Variants in DPH5 observed in about 807,000 individuals in gnomAD.
DPH5 encodes the protein diphthine methyl ester synthase.
A neutral mutation model predicts 31.6 loss-of-function variants in DPH5; 31 were observed. The ratio of observed to expected loss-of-function variants is 0.98; its 90% confidence interval spans 0.74 to 1.32. The LOEUF (loss-of-function observed/expected upper bound fraction) is 1.32. Among genes scored for constraint, DPH5 ranks in the 40% most tolerant of loss-of-function variants. The pLI is 0.00. For missense variants in DPH5, 309 were observed against 335.7 expected (o/e 0.92, Z 0.62); for synonymous variants, 120 against 115.0 (o/e 1.04, Z -0.28).
chr1:101,019,038 T>C (rs563236461), intron 3 of DPH5, among the ~76,000 whole-genome samples: 18 of 152,292 alleles, frequency 1.2e-4, no homozygotes, highest in African/African-American at 3.8e-4. Flanking sequence ...GATAAAAATT[T>C]TGTATTCATT....
intron 4 of DPH5, among the ~76,000 whole-genome samples, chr1:101,004,536 AAGC>A (rs1659087527): frequency 6.6e-6 from 1 of 152,210 alleles, no homozygotes; most frequent in South Asian, 2.1e-4. Context: ...CCTATAGAGA[AAGC>A]AGTTTACCTA....
chr1:101,001,658 C>T lies in DPH5; in HGVS notation c.370-71G>A, dbSNP rs904538697. On this transcript the variant is annotated intron_variant, in intron 4 of 7. Transcript: ENST00000370109. ...TTCATAGATAAGGAGAGAATTTAAT[C>T]ATTTTACAACCAAAATAAAAAGTGA... 7.5e-6 allele frequency: 9 copies of T among 1,202,212 alleles called. No individual in the cohort carries two copies. The East Asian group carries it at 1.0e-4, about 14-fold the overall frequency. The allele number at this position is 1,202,212 out of a possible 1,614,324, so 74.5% of individuals were successfully genotyped here. A position where few individuals can be genotyped will look rare whatever the true frequency, so the allele number is the denominator to read the frequency against.
At chr1:101,001,934 C>T (rs534744054) in intron 4 of DPH5, among the ~76,000 whole-genome samples, 58 of 152,050 alleles carry the variant, frequency 3.8e-4, no homozygotes, top group Non-Finnish European at 8.1e-4. Context: ...GCAATCAGAG[C>T]GGGGTTCACA....
intron 6 of DPH5, among the ~76,000 whole-genome samples, chr1:100,993,561 T>TATAA (rs1658011844): frequency 1.6e-5 from 1 of 61,848 alleles, no homozygotes; most frequent in African/African-American, 7.5e-5. Flanking sequence ...AAAATATAAA[T>TATAA]ATATATATAT....
At chr1:101,021,575 G>A in intron 3 of DPH5, 66 bp downstream of exon 3, 1 of 1,523,884 alleles carries the variant, frequency 6.6e-7, no homozygotes, top group Admixed American at 1.9e-5. Context: ...AAATGCAATA[G>A]AATAATTCTT....
chr1:101,016,195 A>C (rs2101268224), intron 3 of DPH5, among the ~76,000 whole-genome samples: 1 of 152,084 alleles, frequency 6.6e-6, no homozygotes, highest in East Asian at 2.0e-4. Flanking sequence ...TCTACTAAAA[A>C]TACAAAAAGT....
intron 3 of DPH5, among the ~76,000 whole-genome samples, chr1:101,019,607 A>G (rs1374117712): frequency 6.6e-6 from 1 of 152,150 alleles, no homozygotes; most frequent in East Asian, 1.9e-4. Flanking sequence ...GCCTTGCTGC[A>G]TTCTATATTC....
At chr1:101,015,646 T>C (rs1468577748) in intron 3 of DPH5, among the ~76,000 whole-genome samples, 2 of 152,142 alleles carry the variant, frequency 1.3e-5, no homozygotes, top group African/African-American at 4.8e-5. Flanking sequence ...GGCATTCACT[T>C]CTCCTCTCTA....
chr1:101,001,273 A>G (rs1046904836), intron 5 of DPH5, among the ~76,000 whole-genome samples, 194 bp downstream of exon 5: 1 of 152,208 alleles, frequency 6.6e-6, no homozygotes, highest in African/African-American at 2.4e-5. Flanking sequence ...GTATGCAGAA[A>G]TAGCCATGTG....
chr1:101,002,755 C>A (rs887170884), intron 4 of DPH5, among the ~76,000 whole-genome samples: 5 of 152,190 alleles, frequency 3.3e-5, no homozygotes, highest in African/African-American at 1.2e-4. Context: ...AGAACCTGGT[C>A]TGGAGCAAGG....
intron 4 of DPH5, among the ~76,000 whole-genome samples, chr1:101,012,879 A>G (rs922870519): frequency 7.2e-5 from 11 of 152,238 alleles, no homozygotes; most frequent in African/African-American, 2.2e-4. Context: ...CTCTAAAGCT[A>G]CAGACATAGC....
intron 3 of DPH5, among the ~76,000 whole-genome samples, chr1:101,018,520 A>G (rs1237721552): frequency 6.6e-6 from 1 of 152,200 alleles, no homozygotes; most frequent in Non-Finnish European, 1.5e-5. Context: ...GATTACAAGC[A>G]TGAGCCACTG....
intron 4 of DPH5, among the ~76,000 whole-genome samples, chr1:101,008,307 A>T (rs967773234): frequency 3.3e-5 from 5 of 152,180 alleles, no homozygotes; most frequent in Non-Finnish European, 7.3e-5. Context: ...GTGTTATGTC[A>T]TTACTTCATT....
chr1:100,999,031 C>G (rs767554595), intron 5 of DPH5, among the ~76,000 whole-genome samples: 2 of 152,172 alleles, frequency 1.3e-5, no homozygotes, highest in African/African-American at 4.8e-5. Context: ...TCCAATAAAG[C>G]CTTATTTACA....
chr1:101,020,980 G>A (rs1470628830), intron 3 of DPH5, among the ~76,000 whole-genome samples: 4 of 152,042 alleles, frequency 2.6e-5, no homozygotes, highest in Non-Finnish European at 5.9e-5. Flanking sequence ...CCCCTCCAAG[G>A]TCTTACATGG....
At chr1:101,001,361 C>A in intron 5 of DPH5, 106 bp downstream of exon 5, 1 of 1,178,244 alleles carries the variant, frequency 8.5e-7, no homozygotes, top group African/African-American at 1.5e-5. Context: ...TAGACTGTGT[C>A]TTTTCTTACC....
At chr1:100,996,457 C>G (rs755209549) in intron 5 of DPH5, among the ~76,000 whole-genome samples, 1 of 152,146 alleles carries the variant, frequency 6.6e-6, no homozygotes, top group African/African-American at 2.4e-5. Context: ...AGCCAGACCC[C>G]GCATTACTTT....
intron 4 of DPH5, among the ~76,000 whole-genome samples, chr1:101,003,318 A>T (rs1659002479): frequency 6.6e-6 from 1 of 152,216 alleles, no homozygotes; most frequent in South Asian, 2.1e-4. Context: ...TTATTGGGTG[A>T]TGAGAGGCAA....
In DPH5 at chr1:100,990,291, A is replaced by G; in HGVS notation, c.*117T>C. ...CCCCCATGATTCAATTACCTACCAC[A>G]ACACCTGGGAATTATGAGGATTAAA... On this transcript the variant is annotated 3_prime_UTR_variant, in exon 8 of 8. Transcript: ENST00000370109. 1.1e-6 allele frequency: 1 copy of G among 933,626 alleles called. No homozygotes were observed. The highest frequency in any genetic ancestry group is 2.5e-5 in the East Asian group (1 of 39,750). 57.8% of individuals were successfully genotyped at this position (933,626 alleles called of 1,614,324 possible). A position where few individuals can be genotyped will look rare whatever the true frequency, so the allele number is the denominator to read the frequency against.
Sources: gnomAD v4.1 joint callset for allele counts (sites outside exome capture counted in the v4.1 genomes callset) on GRCh38, gnomAD v4.1.1 for gene constraint, MANE v1.5 for transcripts, NCBI Gene and HGNC (gene_info 2026-07-23, HGNC 2026-07-21) for gene names.